Variants in ZNRF2 observed in about 807,000 individuals in gnomAD.
The protein encoded by ZNRF2 is E3 ubiquitin-protein ligase ZNRF2.
Under a neutral mutation model 20.4 loss-of-function variants are expected in ZNRF2, and 16 were observed. The ratio of observed to expected loss-of-function variants is 0.79; its 90% CI spans 0.53 to 1.19. ZNRF2 has a LOEUF of 1.19. ZNRF2 is among the 50% of genes most tolerant of loss of function. The probability of loss-of-function intolerance (pLI) is 0.00; values close to 1 mark genes in which losing one functional copy is unlikely to be tolerated. For missense variants in ZNRF2, 363 were observed against 332.4 expected, an observed-to-expected ratio of 1.09 and a Z score of -0.72; for synonymous variants, 178 against 144.9, an observed-to-expected ratio of 1.23 and a Z score of -1.64.
At chr7:30,363,390 A>G (rs1418999328) in intron 4 of ZNRF2, among the ~76,000 whole-genome samples, 1 of 152,184 alleles carries the variant, frequency 6.6e-6, no homozygotes, top group Non-Finnish European at 1.5e-5. Flanking sequence ...AGATGAAGAA[A>G]TTAAGTATAG....
intron 2 of ZNRF2, among the ~76,000 whole-genome samples, chr7:30,341,251 GTTTA>G (rs1232142688): frequency 6.6e-6 from 1 of 151,934 alleles, no homozygotes; most frequent in Admixed American, 6.6e-5. Context: ...TCTGCTCTGA[GTTTA>G]TTTATTTATT....
At chr7:30,311,217 C>T (rs548794357) in intron 1 of ZNRF2, among the ~76,000 whole-genome samples, 7 of 152,172 alleles carry the variant, frequency 4.6e-5, no homozygotes, top group East Asian at 1.9e-4. Context: ...AATAGGGGTC[C>T]GGCACAAGAA....
In ZNRF2 at chr7:30,285,773, C is replaced by A. The variant is rs1033830989; in HGVS notation, c.416C>A (p.Pro139Gln). Residue 139 changes from proline (P) to glutamine (Q), a missense_variant, in exon 1 of 5, where the codon CCG becomes CAG. Pro to Gln is a moderately conservative substitution (Grantham distance 76, BLOSUM62 -1). Around this residue, in one of 2 missense-constraint regions of ZNRF2, gnomAD observed 302 missense variants for 231.5 expected, o/e 1.30. Transcript: ENST00000323037. ...DRPVGGSPGGPRLVIGSLPAH... is the reference protein window; with the variant it reads ...DRPVGGSPGGQRLVIGSLPAH... ...CCGGTGGGCGGGAGCCCCGGCGGGC[C>A]GCGCCTGGTGATCGGCTCCTTACCA... 2 of 1,494,984 alleles carry A rather than the reference C, an allele frequency of 1.3e-6. No homozygotes were observed. The highest frequency in any genetic ancestry group is 2.8e-5 in the East Asian group (1 of 35,720). 92.6% of individuals were successfully genotyped at this position (1,494,984 alleles called of 1,614,324 possible). A position where few individuals can be genotyped will look rare whatever the true frequency, so the allele number is the denominator to read the frequency against.
At chr7:30,362,932 C>T (rs1421667695) in intron 4 of ZNRF2, among the ~76,000 whole-genome samples, 1 of 152,118 alleles carries the variant, frequency 6.6e-6, no homozygotes, top group Non-Finnish European at 1.5e-5. Flanking sequence ...CCCTGGCTAA[C>T]ACGGTGAAAC....
At chr7:30,300,696 G>C (rs2128057612) in intron 1 of ZNRF2, among the ~76,000 whole-genome samples, 1 of 152,280 alleles carries the variant, frequency 6.6e-6, no homozygotes. Flanking sequence ...CGTTCAGAGA[G>C]CTTTATTTTT....
intron 2 of ZNRF2, among the ~76,000 whole-genome samples, chr7:30,335,900 AAG>A (rs1333479399): frequency 6.6e-6 from 1 of 152,088 alleles, no homozygotes; most frequent in African/African-American, 2.4e-5. Context: ...GAAGGGGGGA[AAG>A]AGGCAAATGT....
In ZNRF2 at chr7:30,285,057, G is replaced by C. The variant is rs1583558273; in HGVS notation, c.-301G>C. ...GAACCGAAACCAGCGGCAGCCGCAC[G>C]GCCACTTGAGCCGCCCCTTCCTGCT... On this transcript the variant is annotated 5_prime_UTR_variant, in exon 1 of 5. Coordinates refer to ENST00000323037, the MANE Select transcript of ZNRF2 (RefSeq NM_147128.4). The C allele has an allele frequency of 2.5e-6, 1 of 407,924 alleles. No homozygotes were observed. Among genetic ancestry groups the C allele is most frequent in the South Asian group, 1.7e-5 (1 of 60,046 alleles). The allele number at this position is 407,924 out of a possible 1,614,324, so 25.3% of individuals were successfully genotyped here. A position where few individuals can be genotyped will look rare whatever the true frequency, so the allele number is the denominator to read the frequency against.
chr7:30,317,614 G>A (rs1036742565), intron 1 of ZNRF2, among the ~76,000 whole-genome samples: 1 of 152,182 alleles, frequency 6.6e-6, no homozygotes, highest in African/African-American at 2.4e-5. Context: ...GGAAAGCCTT[G>A]TACAGGGAAT....
At chr7:30,356,744 T>G (rs751087178) in intron 3 of ZNRF2, among the ~76,000 whole-genome samples, 1 of 142,050 alleles carries the variant, frequency 7.0e-6, no homozygotes, top group South Asian at 2.2e-4. Context: ...CTCGCTCTGT[T>G]GCCCAGGCTG....
chr7:30,306,037 C>T (rs538516690), intron 1 of ZNRF2, among the ~76,000 whole-genome samples: 15 of 152,216 alleles, frequency 9.9e-5, no homozygotes, highest in Admixed American at 2.6e-4. Flanking sequence ...CTCTCTAAGC[C>T]GCTCTTTCCT....
At chr7:30,328,176 C>G (rs1322808267) in intron 2 of ZNRF2, among the ~76,000 whole-genome samples, 1 of 152,056 alleles carries the variant, frequency 6.6e-6, no homozygotes, top group Admixed American at 6.6e-5. Flanking sequence ...GTGATGAGTC[C>G]AAATGGAAAT....
chr7:30,295,050 A>AGAGAGAGAGAGAGAGAGAGGGT (rs1412764480), intron 1 of ZNRF2, among the ~76,000 whole-genome samples: 1 of 38,238 alleles, frequency 2.6e-5, no homozygotes, highest in Admixed American at 2.7e-4. Context: ...AGAGAGAGAG[A>AGAGAGAGAGAGAGAGAGAGGGT]GTGTGTGTGT....
At chr7:30,310,683 A>C (rs1469740141) in intron 1 of ZNRF2, among the ~76,000 whole-genome samples, 1 of 152,212 alleles carries the variant, frequency 6.6e-6, no homozygotes, top group Admixed American at 6.5e-5. Flanking sequence ...AGTAGGCCAC[A>C]GTTGGCCTGC....
chr7:30,337,438 AT>A lies in ZNRF2; in HGVS notation c.565+13708del, dbSNP rs537374414. 6.4e-3 allele frequency among the ~76,000 whole-genome samples: 967 copies of A among 152,184 alleles called. 7 individuals carry two copies. Among genetic ancestry groups the A allele is most frequent in the Non-Finnish European group, 0.01 (709 of 67,988 alleles). On this transcript the variant is annotated intron_variant, in intron 2 of 4. Transcript: ENST00000323037. ...TCATAGCAATAGCCAGAATATTAGC[AT>A]TTTTTTGTATCAGTTCCTTAAGGCC... is the stretch of plus-strand genomic sequence containing the variant.
At chr7:30,295,195 C>T (rs1301355646) in intron 1 of ZNRF2, among the ~76,000 whole-genome samples, 1 of 151,836 alleles carries the variant, frequency 6.6e-6, no homozygotes, top group Admixed American at 6.6e-5. Flanking sequence ...TGCGATCTTT[C>T]AGGCCTGAAG....
chr7:30,309,222 A>T (rs1325755276), intron 1 of ZNRF2, among the ~76,000 whole-genome samples: 4 of 152,158 alleles, frequency 2.6e-5, no homozygotes, highest in African/African-American at 9.7e-5. Context: ...CATGAGTGGG[A>T]CTTTGAACAT....
chr7:30,321,056 A>G (rs1037026106), intron 1 of ZNRF2, among the ~76,000 whole-genome samples: 4 of 152,116 alleles, frequency 2.6e-5, no homozygotes, highest in Non-Finnish European at 5.9e-5. Flanking sequence ...GGAGATCTTT[A>G]TTCTTCTATT....
chr7:30,306,348 A>G (rs1017658262), intron 1 of ZNRF2, among the ~76,000 whole-genome samples: 10 of 152,266 alleles, frequency 6.6e-5, no homozygotes, highest in African/African-American at 2.4e-4. Flanking sequence ...AAATTCTCCT[A>G]TCTGCAAGTT....
At chr7:30,302,134 T>G (rs1799126920) in intron 1 of ZNRF2, among the ~76,000 whole-genome samples, 1 of 152,252 alleles carries the variant, frequency 6.6e-6, no homozygotes, top group Non-Finnish European at 1.5e-5. Context: ...ATGTACTTAA[T>G]ATTTTAAAGA....
Sources: allele counts gnomAD v4.1 joint callset (sites outside exome capture counted in the v4.1 genomes callset), GRCh38; gene constraint gnomAD v4.1.1; regional missense constraint gnomAD v4.1.1; transcripts MANE v1.5; gene names NCBI Gene and HGNC (gene_info 2026-07-23, HGNC 2026-07-21).